The following SCAPER variants were observed in gnomAD, a reference collection of about 807,000 sequenced individuals.
SCAPER encodes S phase cyclin A-associated protein in the endoplasmic reticulum.
In SCAPER, 98 loss-of-function variants were observed where a neutral mutation model predicts 182.2. The ratio of observed to expected loss-of-function variants is 0.54; its 90% CI spans 0.46 to 0.64. The LOEUF (loss-of-function observed/expected upper bound fraction) is 0.64, where lower values mean the gene tolerates loss of function less well. Ranked by LOEUF, SCAPER falls within the 30% of genes least tolerant of loss-of-function variation. The pLI, the probability that SCAPER is intolerant of heterozygous loss-of-function variation, is 0.00. For missense variants in SCAPER, 1,432 were observed against 1,690.0 expected (o/e 0.85, Z 2.68); for synonymous variants, 605 against 564.6 (o/e 1.07, Z -1.01).
intron 23 of SCAPER, among the ~76,000 whole-genome samples, chr15:76,535,983 T>C (rs895194287): frequency 1.3e-5 from 2 of 152,240 alleles, no homozygotes; most frequent in African/African-American, 4.8e-5. Context: ...TAACATTCTA[T>C]GGTTTTCTTC....
chr15:76,402,637 C>G (rs75962643), intron 27 of SCAPER, among the ~76,000 whole-genome samples: 2,351 of 152,188 alleles, frequency 0.015, 62 homozygotes, highest in African/African-American at 0.054. Context: ...ATCTTTAGTA[C>G]CTACCTAACT....
chr15:76,567,199 A>C, intron 23 of SCAPER: 1 of 327,320 alleles, frequency 3.1e-6, no homozygotes, highest in South Asian at 2.6e-5. Context: ...TGTGAGATAT[A>C]TCCATATTGT....
chr15:76,621,115 T>A (rs1427666265), intron 22 of SCAPER, among the ~76,000 whole-genome samples: 1 of 152,238 alleles, frequency 6.6e-6, no homozygotes, highest in Non-Finnish European at 1.5e-5. Flanking sequence ...CCTAAACTGC[T>A]AATGCACACT....
chr15:76,543,262 G>T (rs926267592), intron 23 of SCAPER, among the ~76,000 whole-genome samples: 1 of 152,114 alleles, frequency 6.6e-6, no homozygotes, highest in African/African-American at 2.4e-5. Flanking sequence ...TAATATGTAT[G>T]CTTATTACTT....
chr15:76,592,816 T>C lies in SCAPER; in HGVS notation c.2712-18532A>G, dbSNP rs1243684135. Among the ~76,000 whole-genome samples, 2 of 121,740 alleles carry C rather than the reference T, an allele frequency of 1.6e-5. 1 individual carries two copies. The highest frequency in any genetic ancestry group is 4.0e-5 in the Non-Finnish European group (2 of 49,956). 79.9% of individuals were successfully genotyped at this position (121,740 alleles called of 152,430 possible). On this transcript the variant is annotated intron_variant, in intron 22 of 31. Coordinates refer to ENST00000563290, the MANE Select transcript of SCAPER (RefSeq NM_020843.4). ...AGATACTATGCTTTTCCTAAGGTCT[T>C]TGCAACCCGCAGACCAGGAGATTCC...
At chr15:76,522,681 A>C (rs2042922170) in intron 23 of SCAPER, among the ~76,000 whole-genome samples, 1 of 152,106 alleles carries the variant, frequency 6.6e-6, no homozygotes, top group Non-Finnish European at 1.5e-5. Flanking sequence ...TAGAGGAGTG[A>C]CGACTAAGGT....
chr15:76,554,450 A>G (rs1238954057), intron 23 of SCAPER, among the ~76,000 whole-genome samples: 3 of 152,204 alleles, frequency 2.0e-5, no homozygotes, highest in Non-Finnish European at 2.9e-5. Context: ...CTCTCTAGAT[A>G]GGAATAAAAT....
intron 17 of SCAPER, among the ~76,000 whole-genome samples, chr15:76,711,591 C>A (rs1034249604): frequency 1.3e-5 from 2 of 152,068 alleles, no homozygotes; most frequent in Non-Finnish European, 2.9e-5. Context: ...GTAAAATGAA[C>A]AAACACTATG....
At chr15:76,498,387 A>C (rs2040804063) in intron 24 of SCAPER, 1 of 152,162 alleles carries the variant, frequency 6.6e-6, no homozygotes, top group African/African-American at 2.4e-5. Flanking sequence ...TTGTAAGAGG[A>C]ATTGCATCAG....
intron 23 of SCAPER, among the ~76,000 whole-genome samples, chr15:76,543,252 T>C (rs1433229935): frequency 6.6e-6 from 1 of 152,202 alleles, no homozygotes; most frequent in Non-Finnish European, 1.5e-5. Flanking sequence ...TTTTATATCC[T>C]AATATGTATG....
intron 28 of SCAPER, among the ~76,000 whole-genome samples, chr15:76,379,176 G>C (rs917936407): frequency 2.6e-5 from 4 of 152,164 alleles, no homozygotes; most frequent in African/African-American, 9.7e-5. Flanking sequence ...CTCACATGCT[G>C]ATGAAGAGTC....
At chr15:76,743,503 A>G (rs2061650635) in intron 15 of SCAPER, among the ~76,000 whole-genome samples, 1 of 152,168 alleles carries the variant, frequency 6.6e-6, no homozygotes, top group South Asian at 2.1e-4. Context: ...CTATCCACCA[A>G]TAATGCCCAG....
intron 6 of SCAPER, among the ~76,000 whole-genome samples, chr15:76,804,118 G>A (rs763246569): frequency 3.9e-5 from 6 of 152,044 alleles, no homozygotes; most frequent in Admixed American, 1.3e-4. Context: ...TCCCTTCACC[G>A]AAATGGCCAA....
chr15:76,651,625 C>A (rs183296557), intron 21 of SCAPER, among the ~76,000 whole-genome samples: 2 of 135,146 alleles, frequency 1.5e-5, no homozygotes, highest in African/African-American at 2.7e-5. Flanking sequence ...AAGAACCTAC[C>A]AACCAAAAAA....
intron 22 of SCAPER, among the ~76,000 whole-genome samples, chr15:76,610,383 G>C (rs1411626059): frequency 6.6e-6 from 1 of 152,134 alleles, no homozygotes; most frequent in Non-Finnish European, 1.5e-5. Flanking sequence ...TAGGAATAAG[G>C]CAAGGATGCC....
intron 23 of SCAPER, among the ~76,000 whole-genome samples, chr15:76,568,224 T>C (rs28566073): frequency 0.04 from 5,737 of 142,896 alleles, 162 homozygotes; most frequent in Middle Eastern, 0.064. Context: ...TATATATATA[T>C]ACAAATGGGA....
chr15:76,798,756 G>A (rs1213736448), intron 7 of SCAPER, among the ~76,000 whole-genome samples: 1 of 152,134 alleles, frequency 6.6e-6, no homozygotes, highest in African/African-American at 2.4e-5. Flanking sequence ...AACATAAAGT[G>A]CTGAAAGAAA....
intron 21 of SCAPER, among the ~76,000 whole-genome samples, chr15:76,659,305 C>G (rs1210719556): frequency 6.6e-6 from 1 of 152,110 alleles, no homozygotes; most frequent in South Asian, 2.1e-4. Context: ...GGGTCTTGCT[C>G]TGTTGCCCAG....
chr15:76,539,814 G>A (rs2044572936), intron 23 of SCAPER, among the ~76,000 whole-genome samples: 1 of 152,040 alleles, frequency 6.6e-6, no homozygotes, highest in South Asian at 2.1e-4. Flanking sequence ...CAAAGTGCTG[G>A]GATTACAGGC....
Sources: allele counts gnomAD v4.1 joint callset (sites outside exome capture counted in the v4.1 genomes callset), GRCh38; gene constraint gnomAD v4.1.1; transcripts MANE v1.5; gene names NCBI Gene and HGNC (gene_info 2026-07-23, HGNC 2026-07-21).